The following ETV6 variants were observed in gnomAD, a reference collection of about 807,000 sequenced individuals.
ETV6 encodes the protein ETS variant transcription factor 6.
Under a neutral mutation model 51.1 loss-of-function variants are expected in ETV6, and 16 were observed. The observed-to-expected ratio is 0.31, with a 90% CI of 0.21 to 0.48. ETV6 has a LOEUF of 0.48. Among genes scored for constraint, ETV6 ranks in the 20% least tolerant of loss-of-function variants. The probability of loss-of-function intolerance (pLI) is 0.99; values close to 1 mark genes in which losing one functional copy is unlikely to be tolerated. For synonymous variants in ETV6, 240 were observed against 224.1 expected (o/e 1.07, Z -0.64); for missense variants, 458 against 594.8 (o/e 0.77, Z 2.39).
At chr12:11,837,965 G>T (rs1212440577) in intron 2 of ETV6, among the ~76,000 whole-genome samples, 2 of 152,114 alleles carry the variant, frequency 1.3e-5, no homozygotes, top group Non-Finnish European at 2.9e-5. Flanking sequence ...AAATATTTAT[G>T]AATTTAGCAA....
At chr12:11,855,097 C>T (rs954071008) in intron 4 of ETV6, among the ~76,000 whole-genome samples, 1 of 149,848 alleles carries the variant, frequency 6.7e-6, no homozygotes, top group African/African-American at 2.5e-5. Context: ...AGATCAAGAC[C>T]GTCCTGGCTA....
At position 11,763,814 on chromosome 12, in the gene ETV6, T is replaced by A. The variant is rs572593130; in HGVS notation, c.163+11235T>A. Among the ~76,000 whole-genome samples, 3 of 152,260 alleles carry A rather than the reference T, an allele frequency of 2.0e-5. No individual in the cohort carries two copies. In the East Asian group the frequency reaches 5.8e-4, roughly 29 times the overall value. On this transcript the variant is annotated intron_variant, in intron 2 of 7. Transcript: ENST00000396373. ...GTGTAGCTCTCTCATGTCTGGTACT[T>A]CTTTGTTTGCTAAAGGAGTATTGAG...
At chr12:11,714,261 T>G (rs1162532556) in intron 1 of ETV6, among the ~76,000 whole-genome samples, 1 of 152,162 alleles carries the variant, frequency 6.6e-6, no homozygotes, top group Non-Finnish European at 1.5e-5. Flanking sequence ...AAAACAGATT[T>G]GGCCTCCCCA....
At chr12:11,873,425 G>T (rs978391800) in intron 5 of ETV6, among the ~76,000 whole-genome samples, 1 of 152,116 alleles carries the variant, frequency 6.6e-6, no homozygotes, top group Non-Finnish European at 1.5e-5. Context: ...TGTGTACAAC[G>T]TAAAAGTTCT....
At chr12:11,839,636 T>G (rs1946363052) in intron 3 of ETV6, among the ~76,000 whole-genome samples, 1 of 152,136 alleles carries the variant, frequency 6.6e-6, no homozygotes, top group Non-Finnish European at 1.5e-5. Flanking sequence ...TCCCAGCACT[T>G]TGGGAGGCCA....
chr12:11,815,995 C>T (rs572932016), intron 2 of ETV6, among the ~76,000 whole-genome samples: 4 of 152,222 alleles, frequency 2.6e-5, no homozygotes, highest in South Asian at 4.1e-4. Flanking sequence ...GAAAGTGACC[C>T]GTAAGGAATA....
chr12:11,693,209 G>A (rs749464034), intron 1 of ETV6, among the ~76,000 whole-genome samples: 6 of 152,122 alleles, frequency 3.9e-5, no homozygotes, highest in Non-Finnish European at 5.9e-5. Flanking sequence ...TGGGGCGGAC[G>A]ATTTCAGAGA....
chr12:11,687,294 C>T (rs1320193333), intron 1 of ETV6, among the ~76,000 whole-genome samples: 1 of 149,812 alleles, frequency 6.7e-6, no homozygotes, highest in Non-Finnish European at 1.5e-5. Context: ...GATTCTCCTG[C>T]TTCAGCCTCC....
At chr12:11,728,012 G>A (rs1382891992) in intron 1 of ETV6, among the ~76,000 whole-genome samples, 1 of 152,048 alleles carries the variant, frequency 6.6e-6, no homozygotes. Context: ...TAGAGACGGG[G>A]TTTCACCATG....
At chr12:11,746,004 A>G (rs1865901096) in intron 1 of ETV6, among the ~76,000 whole-genome samples, 2 of 152,240 alleles carry the variant, frequency 1.3e-5, no homozygotes, top group South Asian at 4.2e-4. Flanking sequence ...TTTCTCATAC[A>G]TCAGATAGAG....
chr12:11,717,001 C>G (rs1865291591), intron 1 of ETV6, among the ~76,000 whole-genome samples: 1 of 152,168 alleles, frequency 6.6e-6, no homozygotes, highest in Non-Finnish European at 1.5e-5. Flanking sequence ...AGGCAGCAAG[C>G]TCTCATCCAA....
At chr12:11,837,490 A>G (rs1946333322) in intron 2 of ETV6, among the ~76,000 whole-genome samples, 1 of 152,184 alleles carries the variant, frequency 6.6e-6, no homozygotes, top group Non-Finnish European at 1.5e-5. Context: ...TTGGAAGACA[A>G]TCATGCCCAG....
intron 5 of ETV6, among the ~76,000 whole-genome samples, chr12:11,871,231 C>T (rs989678329): frequency 6.6e-6 from 1 of 150,638 alleles, no homozygotes; most frequent in Admixed American, 6.6e-5. Flanking sequence ...CTCTGTTGCC[C>T]AGGCTGGAGT....
chr12:11,741,517 T>G (rs1348106614), intron 1 of ETV6, among the ~76,000 whole-genome samples: 1 of 152,254 alleles, frequency 6.6e-6, no homozygotes, highest in African/African-American at 2.4e-5. Context: ...CTCAGGACAC[T>G]GCTCCGTGTG....
chr12:11,788,021 G>A (rs1021500682), intron 2 of ETV6, among the ~76,000 whole-genome samples: 1 of 152,140 alleles, frequency 6.6e-6, no homozygotes, highest in Non-Finnish European at 1.5e-5. Context: ...AGCACAATAA[G>A]AAAACATTTA....
chr12:11,777,305 G>T (rs964262147), intron 2 of ETV6, among the ~76,000 whole-genome samples: 1 of 151,568 alleles, frequency 6.6e-6, no homozygotes, highest in Non-Finnish European at 1.5e-5. Context: ...GAAAAGGCAG[G>T]GTACAAATCT....
intron 4 of ETV6, among the ~76,000 whole-genome samples, chr12:11,864,242 C>T (rs907263019): frequency 4.6e-5 from 7 of 152,204 alleles, no homozygotes; most frequent in African/African-American, 1.7e-4. Context: ...CTAAGGCCTG[C>T]CCTGAGTGCA....
chr12:11,817,053 C>T (rs1289414264), intron 2 of ETV6, among the ~76,000 whole-genome samples: 4 of 152,138 alleles, frequency 2.6e-5, no homozygotes, highest in African/African-American at 2.4e-5. Context: ...TGAGGGAACC[C>T]GAACTTTAGA....
intron 5 of ETV6, among the ~76,000 whole-genome samples, chr12:11,871,042 C>T (rs1430021279): frequency 6.6e-6 from 1 of 152,036 alleles, no homozygotes; most frequent in Non-Finnish European, 1.5e-5. Context: ...CAGGAGAGAA[C>T]GGACCTGTTC....
Sources: allele counts gnomAD v4.1 joint callset (sites outside exome capture counted in the v4.1 genomes callset), GRCh38; gene constraint gnomAD v4.1.1; transcripts MANE v1.5; gene names NCBI Gene and HGNC (gene_info 2026-07-23, HGNC 2026-07-21).